Variants in KCNMA1 observed in about 807,000 individuals in gnomAD.
KCNMA1 encodes the protein potassium calcium-activated channel subfamily M alpha 1.
A neutral mutation model predicts 140.0 loss-of-function variants in KCNMA1; 29 were observed. The observed-to-expected ratio is 0.21, with a 90% CI of 0.15 to 0.28. KCNMA1 has a LOEUF of 0.28. KCNMA1 is among the 10% of genes least tolerant of loss of function. The pLI is 1.00. For synonymous variants in KCNMA1, 612 were observed against 611.9 expected (o/e 1.00, Z 0.00); for missense variants, 880 against 1,602.2 (o/e 0.55, Z 7.70).
chr10:77,370,474 C>T (rs1037806930), intron 2 of KCNMA1, among the ~76,000 whole-genome samples: 1 of 152,142 alleles, frequency 6.6e-6, no homozygotes, highest in Admixed American at 6.5e-5. Context: ...TTCTAAACAC[C>T]CCTGCCGCTG....
intron 2 of KCNMA1, among the ~76,000 whole-genome samples, chr10:77,375,703 C>T (rs1228438533): frequency 1.3e-5 from 2 of 152,266 alleles, no homozygotes; most frequent in African/African-American, 4.8e-5. Context: ...AGAGGGTTGT[C>T]AGCAGCTTCT....
At chr10:77,532,956 T>C (rs1301405273) in intron 1 of KCNMA1, among the ~76,000 whole-genome samples, 1 of 152,196 alleles carries the variant, frequency 6.6e-6, no homozygotes, top group African/African-American at 2.4e-5. Context: ...CAACCTGAAA[T>C]CACTCTCTTC....
chr10:77,112,520 AC>A (rs1464450416), intron 6 of KCNMA1, 78 bp from the exon 7 acceptor site: 1 of 1,014,456 alleles, frequency 9.9e-7, no homozygotes, highest in Non-Finnish European at 1.6e-6. Flanking sequence ...GGGTAACAGC[AC>A]CCGCTTAGCA....
At chr10:77,462,141 C>T (rs1243301994) in intron 1 of KCNMA1, among the ~76,000 whole-genome samples, 2 of 151,992 alleles carry the variant, frequency 1.3e-5, no homozygotes, top group South Asian at 2.1e-4. Flanking sequence ...TACATGCACA[C>T]ACATACACGC....
chr10:77,630,310 T>C (rs1444769510), intron 1 of KCNMA1, among the ~76,000 whole-genome samples: 2 of 152,194 alleles, frequency 1.3e-5, no homozygotes, highest in Non-Finnish European at 2.9e-5. Flanking sequence ...GTTGCCCTCC[T>C]GGACTTCGGG....
At chr10:77,621,110 A>G (rs991247834) in intron 1 of KCNMA1, among the ~76,000 whole-genome samples, 4 of 152,222 alleles carry the variant, frequency 2.6e-5, no homozygotes, top group Non-Finnish European at 5.9e-5. Flanking sequence ...AATGGCCTAG[A>G]AAGAGAGCCA....
chr10:77,117,863 C>A (rs1277015513), intron 6 of KCNMA1, among the ~76,000 whole-genome samples: 1 of 152,186 alleles, frequency 6.6e-6, no homozygotes, highest in South Asian at 2.1e-4. Flanking sequence ...GTATTCTAGG[C>A]CCCCTATGGG....
intron 2 of KCNMA1, among the ~76,000 whole-genome samples, chr10:77,367,104 C>T (rs763060811): frequency 5.9e-5 from 9 of 152,106 alleles, no homozygotes; most frequent in East Asian, 1.9e-4. Flanking sequence ...TCATTCCGCA[C>T]GGGTGTGTCA....
chr10:77,425,292 G>A (rs2096959282), intron 1 of KCNMA1, among the ~76,000 whole-genome samples: 2 of 152,184 alleles, frequency 1.3e-5, no homozygotes, highest in South Asian at 2.1e-4. Flanking sequence ...TCTTTTGGGG[G>A]AAGTTTTACA....
At chr10:77,134,702 A>G (rs2097946197) in intron 5 of KCNMA1, among the ~76,000 whole-genome samples, 2 of 152,128 alleles carry the variant, frequency 1.3e-5, no homozygotes. Context: ...AGAAAGAATC[A>G]ACCGAGTGAA....
chr10:77,021,653 T>G (rs2092869720), intron 16 of KCNMA1, among the ~76,000 whole-genome samples: 2 of 152,220 alleles, frequency 1.3e-5, no homozygotes, highest in Non-Finnish European at 2.9e-5. Flanking sequence ...TATGGCTGAT[T>G]GTGTAAGGAA....
intron 1 of KCNMA1, among the ~76,000 whole-genome samples, chr10:77,464,950 C>A (rs2097956790): frequency 6.6e-6 from 1 of 152,160 alleles, no homozygotes; most frequent in Middle Eastern, 3.2e-3. Context: ...TGGCCAATTA[C>A]CTGCCTTCTG....
intron 19 of KCNMA1, among the ~76,000 whole-genome samples, chr10:76,999,116 T>C (rs968963003): frequency 2.0e-5 from 3 of 152,198 alleles, no homozygotes; most frequent in African/African-American, 7.2e-5. Flanking sequence ...CACAGAATGT[T>C]TCTTAGAGAA....
chr10:77,195,885 G>A (rs908397347), intron 3 of KCNMA1, among the ~76,000 whole-genome samples: 1 of 152,076 alleles, frequency 6.6e-6, no homozygotes, highest in Non-Finnish European at 1.5e-5. Context: ...GGTGGTAGAG[G>A]TTGCAGTGAG....
At chr10:77,036,364 C>T (rs905029041) in intron 15 of KCNMA1, among the ~76,000 whole-genome samples, 18 of 152,198 alleles carry the variant, frequency 1.2e-4, no homozygotes, top group Middle Eastern at 3.2e-3. Context: ...TCAAATTTCA[C>T]CCCTACATCC....
At chr10:77,625,163 G>A (rs2092293571) in intron 1 of KCNMA1, among the ~76,000 whole-genome samples, 2 of 152,172 alleles carry the variant, frequency 1.3e-5, no homozygotes, top group African/African-American at 4.8e-5. Context: ...GGAGGCTGAG[G>A]CGGGCGGATC....
At chr10:77,116,713 C>T (rs2097480611) in intron 6 of KCNMA1, among the ~76,000 whole-genome samples, 1 of 152,144 alleles carries the variant, frequency 6.6e-6, no homozygotes. Flanking sequence ...TCTTCTTTCT[C>T]TGCCCCAATT....
At chr10:77,042,089 A>G (rs1199091597) in intron 14 of KCNMA1, among the ~76,000 whole-genome samples, 1 of 152,074 alleles carries the variant, frequency 6.6e-6, no homozygotes, top group Non-Finnish European at 1.5e-5. Context: ...CTTCCAGCCT[A>G]CTCCCACAGG....
intron 2 of KCNMA1, among the ~76,000 whole-genome samples, chr10:77,358,068 A>G (rs1033338522): frequency 2.6e-5 from 4 of 152,202 alleles, no homozygotes; most frequent in Non-Finnish European, 4.4e-5. Context: ...AGCACAATAT[A>G]AGAAAAAGAT....
Sources: allele counts gnomAD v4.1 joint callset (sites outside exome capture counted in the v4.1 genomes callset), GRCh38; gene constraint gnomAD v4.1.1; transcripts MANE v1.5; gene names NCBI Gene and HGNC (gene_info 2026-07-23, HGNC 2026-07-21).